Variants in CADM1 observed in about 807,000 individuals in gnomAD.
CADM1 encodes the protein TSLC-1.
A neutral mutation model predicts 53.1 loss-of-function variants in CADM1; 15 were observed. That is an observed-to-expected ratio of 0.28 (90% CI 0.19 to 0.44). The LOEUF is 0.44. Among genes scored for constraint, CADM1 ranks in the 20% least tolerant of loss-of-function variants. CADM1 has a pLI of 1.00. For missense variants in CADM1, 434 were observed against 611.3 expected, an observed-to-expected ratio of 0.71 and a Z score of 3.06; for synonymous variants, 281 against 243.0, an observed-to-expected ratio of 1.16 and a Z score of -1.45.
At chr11:115,191,115 GTTC>G (rs978718248) in intron 9 of CADM1, 174 bp from the exon 10 acceptor site, 7 of 608,900 alleles carry the variant, frequency 1.1e-5, no homozygotes, top group African/African-American at 7.4e-5. Context: ...ATGTAATTTT[GTTC>G]TTAATACGCA....
intron 1 of CADM1, among the ~76,000 whole-genome samples, chr11:115,307,750 T>G (rs1944416197): frequency 1.3e-5 from 2 of 151,850 alleles, no homozygotes; most frequent in Non-Finnish European, 2.9e-5. Context: ...AGGATTACCT[T>G]TCACAATAGT....
At chr11:115,452,091 T>C (rs552104407) in intron 1 of CADM1, among the ~76,000 whole-genome samples, 1 of 150,608 alleles carries the variant, frequency 6.6e-6, no homozygotes, top group Non-Finnish European at 1.5e-5. Context: ...TTGTTAACTA[T>C]CTTGACCACG....
chr11:115,231,851 C>T (rs1042680855), intron 3 of CADM1, among the ~76,000 whole-genome samples: 4 of 152,052 alleles, frequency 2.6e-5, no homozygotes, highest in South Asian at 2.1e-4. Flanking sequence ...CCGGGCACGG[C>T]GGCACATGCC....
intron 1 of CADM1, among the ~76,000 whole-genome samples, chr11:115,443,891 C>T (rs756851042): frequency 3.3e-5 from 5 of 152,122 alleles, no homozygotes; most frequent in Admixed American, 6.5e-5. Flanking sequence ...TATGGGAGCA[C>T]GACTTTTGGG....
At chr11:115,325,368 G>A (rs750307584) in intron 1 of CADM1, among the ~76,000 whole-genome samples, 4 of 152,088 alleles carry the variant, frequency 2.6e-5, no homozygotes, top group Non-Finnish European at 4.4e-5. Flanking sequence ...AAGAAGTGGT[G>A]GGGGGCAGCA....
intron 1 of CADM1, among the ~76,000 whole-genome samples, chr11:115,418,594 T>G (rs1400293214): frequency 6.6e-6 from 1 of 152,198 alleles, no homozygotes; most frequent in African/African-American, 2.4e-5. Context: ...TGTAACACTT[T>G]AAACTGTTCC....
intron 1 of CADM1, among the ~76,000 whole-genome samples, chr11:115,463,804 C>T (rs1371959316): frequency 6.9e-6 from 1 of 145,404 alleles, no homozygotes. Flanking sequence ...AATGTCACAT[C>T]CATTTTGTTA....
chr11:115,191,266 T>A (rs1939844436), intron 9 of CADM1, among the ~76,000 whole-genome samples: 1 of 151,812 alleles, frequency 6.6e-6, no homozygotes, highest in Non-Finnish European at 1.5e-5. Flanking sequence ...GATGCTCTGA[T>A]ATCTCTTAAA....
chr11:115,430,340 G>A (rs1948012758), intron 1 of CADM1, among the ~76,000 whole-genome samples: 1 of 152,146 alleles, frequency 6.6e-6, no homozygotes, highest in African/African-American at 2.4e-5. Context: ...ATTTATTTAA[G>A]ATTTACCTCA....
chr11:115,202,573 G>C (rs900172394), intron 8 of CADM1, among the ~76,000 whole-genome samples: 1 of 152,068 alleles, frequency 6.6e-6, no homozygotes, highest in Non-Finnish European at 1.5e-5. Context: ...CAAAACCAGA[G>C]CTTAATTGTA....
At chr11:115,471,767 C>T (rs897696292) in intron 1 of CADM1, among the ~76,000 whole-genome samples, 3 of 151,994 alleles carry the variant, frequency 2.0e-5, no homozygotes, top group Admixed American at 6.6e-5. Flanking sequence ...GGGTTTCAAA[C>T]GTGAGATGGC....
At position 115,350,085 on chromosome 11, in the gene CADM1, C is replaced by T. The variant is rs540364121; in HGVS notation, c.125-109665G>A. On this transcript the variant is annotated intron_variant, in intron 1 of 11. Coordinates refer to ENST00000331581, the MANE Select transcript of CADM1 (RefSeq NM_001301043.2). ...CTCTTGGGTTTAAGCGATTCTCCTG[C>T]TTCAGCCTCCCGAGTAGCTGGGATT... 6.0e-4 allele frequency among the ~76,000 whole-genome samples: 92 copies of T among 152,292 alleles called. No individual in the cohort carries two copies. The Middle Eastern group carries it at 0.024, about 39-fold the overall frequency.
intron 6 of CADM1, 89 bp from the exon 7 acceptor site, chr11:115,214,869 GA>G: frequency 2.5e-6 from 3 of 1,198,248 alleles, no homozygotes; most frequent in Non-Finnish European, 3.7e-6. Context: ...CACAATTAAT[GA>G]GGACCTACTG....
chr11:115,325,445 C>T (rs1200059169), intron 1 of CADM1, among the ~76,000 whole-genome samples: 2 of 152,128 alleles, frequency 1.3e-5, no homozygotes, highest in African/African-American at 2.4e-5. Flanking sequence ...TCTTGGAGGG[C>T]ATACACAAGC....
chr11:115,208,545 G>A (rs1156768919), intron 8 of CADM1, among the ~76,000 whole-genome samples: 3 of 152,202 alleles, frequency 2.0e-5, no homozygotes, highest in Admixed American at 6.5e-5. Flanking sequence ...GAAGTCCAGA[G>A]ACAGGGGTGG....
chr11:115,404,085 G>A (rs1253269397), intron 1 of CADM1, among the ~76,000 whole-genome samples: 1 of 149,866 alleles, frequency 6.7e-6, no homozygotes, highest in Non-Finnish European at 1.5e-5. Flanking sequence ...CAACACCCTG[G>A]GAGGCTGAGG....
At chr11:115,251,279 T>C (rs1048401406) in intron 1 of CADM1, among the ~76,000 whole-genome samples, 4 of 152,338 alleles carry the variant, frequency 2.6e-5, no homozygotes, top group African/African-American at 9.6e-5. Flanking sequence ...TAGCAGTCTC[T>C]CTCTACACCT....
At chr11:115,473,818 T>C (rs761530141) in intron 1 of CADM1, among the ~76,000 whole-genome samples, 11 of 151,912 alleles carry the variant, frequency 7.2e-5, no homozygotes, top group Non-Finnish European at 1.6e-4. Flanking sequence ...ACACAACCCA[T>C]AAAATATAAA....
intron 1 of CADM1, among the ~76,000 whole-genome samples, chr11:115,468,532 G>T (rs1948943015): frequency 6.6e-6 from 1 of 152,102 alleles, no homozygotes; most frequent in African/African-American, 2.4e-5. Flanking sequence ...GGTACCTTAT[G>T]TCTTACAGGG....
Sources: gnomAD v4.1 joint callset for allele counts (sites outside exome capture counted in the v4.1 genomes callset) on GRCh38, gnomAD v4.1.1 for gene constraint, MANE v1.5 for transcripts, NCBI Gene and HGNC (gene_info 2026-07-23, HGNC 2026-07-21) for gene names.